FZR1: variants seen among roughly 807,000 people sequenced by gnomAD.
The protein encoded by FZR1 is fizzy-related protein homolog.
Under a neutral mutation model 63.6 loss-of-function variants are expected in FZR1, and 11 were observed. The observed-to-expected ratio is 0.17, with a 90% confidence interval of 0.11 to 0.29. The LOEUF is 0.29. Among genes scored for constraint, FZR1 ranks in the 10% least tolerant of loss-of-function variants. The pLI, the probability that FZR1 is intolerant of heterozygous loss-of-function variation, is 1.00. For synonymous variants in FZR1, 328 were observed against 297.9 expected, an observed-to-expected ratio of 1.10 and a Z score of -1.04; for missense variants, 440 against 687.5, an observed-to-expected ratio of 0.64 and a Z score of 4.03.
At chr19:3,506,695 C>T (rs1233838583) in intron 1 of FZR1, among the ~76,000 whole-genome samples, 1 of 151,748 alleles carries the variant, frequency 6.6e-6, no homozygotes, top group Non-Finnish European at 1.5e-5. Context: ...TCCCAGCGTC[C>T]CCCCCACGTC....
chr19:3,512,131 G>T (rs1233675086), intron 1 of FZR1, among the ~76,000 whole-genome samples: 8 of 152,222 alleles, frequency 5.3e-5, no homozygotes, highest in Admixed American at 4.6e-4. Context: ...TGGACAGGAG[G>T]TCACTGGGGC....
chr19:3,532,874 C>T lies in FZR1; in HGVS notation c.1242+224C>T, dbSNP rs568186358. Among the ~76,000 whole-genome samples, 75 of 152,098 alleles carry T rather than the reference C, an allele frequency of 4.9e-4. 2 individuals are homozygous for T. The South Asian group carries it at 0.015, about 29-fold the overall frequency. On this transcript the variant is annotated intron_variant, in intron 11 of 13. Coordinates refer to ENST00000441788, the MANE Select transcript of FZR1 (RefSeq NM_016263.4). ...AGACTTGGGGCCTCTGGGCCCCCAT[C>T]GCAGCCACACCTGGCGGCTCTGTGA...
Position 3,538,297 on chromosome 19 carries a change from T to C in FZR1, c.*3461T>C. Reference sequence around the variant, plus strand: ...TGGTTTGGTTTTGTTTTGTTTTGTTTATTGTGGTAAAATACAAAATCTACC... The same window carrying C: ...TGGTTTGGTTTTGTTTTGTTTTGTTCATTGTGGTAAAATACAAAATCTACC... On this transcript the variant is annotated 3_prime_UTR_variant, in exon 14 of 14. Coordinates refer to ENST00000441788, the MANE Select transcript of FZR1 (RefSeq NM_016263.4). 1 of 169,480 alleles carries C rather than the reference T, an allele frequency of 5.9e-6. No homozygotes were observed. The highest frequency in any genetic ancestry group is 1.2e-4 in the South Asian group (1 of 8,002). 10.5% of individuals were successfully genotyped at this position (169,480 alleles called of 1,614,324 possible).
Position 3,525,521 on chromosome 19 carries a change from C to G in FZR1, c.70-347C>G, listed in dbSNP as rs2083146998. 7.2e-6 allele frequency among the ~76,000 whole-genome samples: 1 copy of G among 139,710 alleles called. No individual in the cohort carries two copies. Among genetic ancestry groups the G allele is most frequent in the Non-Finnish European group, 1.5e-5 (1 of 66,552 alleles). The allele number at this position is 139,710 out of a possible 152,430, so 91.7% of individuals were successfully genotyped here. On this transcript the variant is annotated intron_variant, in intron 2 of 13. Coordinates refer to ENST00000441788, the MANE Select transcript of FZR1 (RefSeq NM_016263.4). This position sits in a 1 kb window ranked among gnomAD's most constrained non-coding sequence, Gnocchi z 4.2. ...GCAGTGGCACAATCTTGGCTCACTG[C>G]AAGCTCCGCCTCCCAGGTTCATGCC...
chr19:3,528,961 T>TGGATGGGAGAGC (rs2083195556), intron 7 of FZR1, among the ~76,000 whole-genome samples: 1 of 115,124 alleles, frequency 8.7e-6, no homozygotes, highest in Non-Finnish European at 1.8e-5. Flanking sequence ...GATGGGTGAG[T>TGGATGGGAGAGC]GGATGGGAGA....
chr19:3,523,830 A>G (rs2083126279), intron 2 of FZR1, among the ~76,000 whole-genome samples: 1 of 152,172 alleles, frequency 6.6e-6, no homozygotes, highest in South Asian at 2.1e-4. Flanking sequence ...CTCTGTGCCC[A>G]GGCATTGGGC....
rs2121969220 is a variant in FZR1, at chr19:3,526,277, C to T, written c.278C>T (p.Ala93Val). The change falls in exon 5 of 14, where the codon GCC (alanine) becomes GTC (valine). Residue 93 changes from alanine to valine, a missense_variant. By Grantham distance (64) the Ala-to-Val change is moderately conservative. This residue lies in a region of FZR1 where 200 missense variants were observed against 245.1 expected (regional missense o/e 0.82). Transcript: ENST00000441788. The surrounding 1 kb of genome is among the most constrained non-coding windows in gnomAD (Gnocchi z 5.4). ...CCCGCAGACGGCCTGGCCTACTCTG[C>T]CCTGCTCAAGAATGAGCTGCTGGGT... ...DNGKDGLAYS[A>V]LLKNELLGAG... 1 of 1,610,566 alleles carries T rather than the reference C, an allele frequency of 6.2e-7. No homozygotes were observed. Among genetic ancestry groups the T allele is most frequent in the Non-Finnish European group, 8.5e-7 (1 of 1,179,154 alleles).
Position 3,526,916 on chromosome 19 carries a change from T to TG in FZR1, c.388-58dup, listed in dbSNP as rs1385824139. ...GAGCTGTACCGGGAGCGTGGGCTGC[T>TG]GGGGGGCTCTGAGGGTCCTGCGGCC... On this transcript the variant is annotated intron_variant, in intron 5 of 13. Coordinates refer to ENST00000441788, the MANE Select transcript of FZR1 (RefSeq NM_016263.4). The surrounding 1 kb of genome is among the most constrained non-coding windows in gnomAD (Gnocchi z 5.4). 20 of 1,137,194 alleles carry TG rather than the reference T, an allele frequency of 1.8e-5. No homozygotes were observed. The highest frequency in any genetic ancestry group is 2.4e-5 in the Non-Finnish European group (18 of 755,416). The allele number at this position is 1,137,194 out of a possible 1,614,324, so 70.4% of individuals were successfully genotyped here. A position where few individuals can be genotyped will look rare whatever the true frequency, so the allele number is the denominator to read the frequency against.
In FZR1 at chr19:3,527,818, G is replaced by T; in HGVS notation, c.654+4G>T. 6.2e-7 allele frequency: 1 copy of T among 1,605,992 alleles called. No individual in the cohort carries two copies. The highest frequency in any genetic ancestry group is 8.5e-7 in the Non-Finnish European group (1 of 1,174,624). On this transcript the variant is annotated splice_donor_region_variant and intron_variant, in intron 7 of 13. Transcript: ENST00000441788. ...GTGGAGTGCCTGTACCAGCCAGGTG[G>T]GTGCTGCGTGGGGTGTGCATGTGCA...
At chr19:3,521,504 C>T (rs1454793094) in intron 1 of FZR1, among the ~76,000 whole-genome samples, 1 of 149,484 alleles carries the variant, frequency 6.7e-6, no homozygotes, top group African/African-American at 2.5e-5. Flanking sequence ...CTGAACTGTA[C>T]GCTTTTTTTT....
rs2083260989 is a variant in FZR1, at chr19:3,532,743, G to A, written c.1242+93G>A. ...ACCTGAGAGCAGCCTGTGGGGAGAT[G>A]GGTCAGAGTCGCTCTGAAGGGAGAT... On this transcript the variant is annotated intron_variant, in intron 11 of 13. Coordinates refer to ENST00000441788, the MANE Select transcript of FZR1 (RefSeq NM_016263.4). 3 of 870,422 alleles carry A rather than the reference G, an allele frequency of 3.4e-6. No homozygotes were observed. In the East Asian group the frequency reaches 7.9e-5, roughly 23 times the overall value. The allele number at this position is 870,422 out of a possible 1,614,324, so 53.9% of individuals were successfully genotyped here.
intron 1 of FZR1, among the ~76,000 whole-genome samples, chr19:3,517,366 G>A (rs1290315250): frequency 1.3e-5 from 2 of 151,920 alleles, no homozygotes; most frequent in Non-Finnish European, 2.9e-5. Context: ...CTCCAGCCTA[G>A]GTGACAGAGT....
Position 3,537,040 on chromosome 19 carries a change from C to T in FZR1, c.*2204C>T, listed in dbSNP as rs1257517794. The T allele has an allele frequency of 1.4e-5, 2 of 139,292 alleles. No homozygotes were observed. Among genetic ancestry groups the T allele is most frequent in the Admixed American group, 7.3e-5 (1 of 13,744 alleles). 8.6% of individuals were successfully genotyped at this position (139,292 alleles called of 1,614,324 possible). On this transcript the variant is annotated 3_prime_UTR_variant, in exon 14 of 14. Transcript: ENST00000441788. ...CAGGGAGGAGGTGCTCGGTTGACAC[C>T]ATCAGGGAGGGAGGGTGGGCACTGC...
At chr19:3,508,819 G>A (rs1028258019) in intron 1 of FZR1, among the ~76,000 whole-genome samples, 7 of 152,192 alleles carry the variant, frequency 4.6e-5, no homozygotes, top group African/African-American at 1.7e-4. Context: ...GCTGCTCAGT[G>A]CCCCCACTGT....
intron 2 of FZR1, among the ~76,000 whole-genome samples, chr19:3,523,541 TCC>T (rs2083123184): frequency 6.6e-6 from 1 of 152,174 alleles, no homozygotes. Context: ...GACAGCCACA[TCC>T]CTCACCTGCT....
Position 3,534,426 on chromosome 19 carries a change from G to A in FZR1, c.1353G>A (p.Met451Ile), listed in dbSNP as rs565432686. Residue 451 changes from methionine (M) to isoleucine (I), a missense_variant, in exon 13 of 14, where the codon ATG becomes ATA. Physicochemically the swap from Met to Ile is conservative, Grantham distance 10 (BLOSUM62 1). Around this residue, in one of 5 missense-constraint regions of FZR1, gnomAD observed 208 missense variants for 363.6 expected, o/e 0.57. Transcript: ENST00000441788. Reference sequence around the variant, plus strand: ...TGCTTCCCTCCTGTCCACAGGCAATGTCCCCTGATGGGGAGGCCATCGTCA... The same window carrying A: ...TGCTTCCCTCCTGTCCACAGGCAATATCCCCTGATGGGGAGGCCATCGTCA... ...GHSYRVLYLAMSPDGEAIVTG... is the reference protein window; with the variant it reads ...GHSYRVLYLAISPDGEAIVTG... 5 of 1,588,180 alleles carry A rather than the reference G, an allele frequency of 3.1e-6. No individual in the cohort carries two copies. The highest frequency in any genetic ancestry group is 4.3e-6 in the Non-Finnish European group (5 of 1,160,268).
chr19:3,514,896 G>T lies in FZR1; in HGVS notation c.-34-8060G>T, dbSNP rs530155958. 8.5e-5 allele frequency among the ~76,000 whole-genome samples: 13 copies of T among 152,324 alleles called. No individual in the cohort carries two copies. The South Asian group carries it at 2.5e-3, about 29-fold the overall frequency. On this transcript the variant is annotated intron_variant, in intron 1 of 13. Coordinates refer to ENST00000441788, the MANE Select transcript of FZR1 (RefSeq NM_016263.4). The surrounding 1 kb of genome is among the most constrained non-coding windows in gnomAD (Gnocchi z 4.2). ...AGCTCGAGACTGAAGGCTTGCCCGG[G>T]GCAGTGGCAGAAGGAGGCCTCCTGG...
chr19:3,532,727 C>T, intron 11 of FZR1, 77 bp downstream of exon 11: 1 of 992,206 alleles, frequency 1.0e-6, no homozygotes, highest in East Asian at 2.6e-5. Context: ...CACCTGAGAG[C>T]AGCCTGTGGG....
At chr19:3,523,659 C>G (rs1266231214) in intron 2 of FZR1, among the ~76,000 whole-genome samples, 1 of 152,256 alleles carries the variant, frequency 6.6e-6, no homozygotes, top group Non-Finnish European at 1.5e-5. Context: ...GGACGGCCAC[C>G]AGTCCCTGCC....
Sources: gnomAD v4.1 joint callset for allele counts (sites outside exome capture counted in the v4.1 genomes callset) on GRCh38, gnomAD v4.1.1 for gene constraint, gnomAD v4.1.1 regional missense constraint, Gnocchi (gnomAD v3.1) non-coding constraint, MANE v1.5 for transcripts, NCBI Gene and HGNC (gene_info 2026-07-23, HGNC 2026-07-21) for gene names.